Variants in MTHFD1L observed in about 807,000 individuals in gnomAD.
The protein encoded by MTHFD1L is monofunctional C1-tetrahydrofolate synthase, mitochondrial.
MTHFD1L carries 81 observed loss-of-function variants against 119.5 expected under a neutral mutation model. The ratio of observed to expected loss-of-function variants is 0.68; its 90% CI spans 0.57 to 0.82. MTHFD1L has a LOEUF of 0.82. Among genes scored for constraint, MTHFD1L ranks in the 40% least tolerant of loss-of-function variants. The pLI is 0.00. For synonymous variants in MTHFD1L, 430 were observed against 475.2 expected (o/e 0.90, Z 1.24); for missense variants, 1,125 against 1,253.4 (o/e 0.90, Z 1.55).
At chr6:150,901,879 T>C (rs1460722542) in intron 7 of MTHFD1L, among the ~76,000 whole-genome samples, 1 of 152,236 alleles carries the variant, frequency 6.6e-6, no homozygotes, top group African/African-American at 2.4e-5. Context: ...CTTGGTTTTC[T>C]GAACTGTGTT....
intron 17 of MTHFD1L, among the ~76,000 whole-genome samples, chr6:150,956,757 A>G (rs998426881): frequency 6.6e-6 from 1 of 152,054 alleles, no homozygotes; most frequent in African/African-American, 2.4e-5. Context: ...TTAAGTTTTT[A>G]TTAGTGAAAA....
At chr6:151,040,089 G>A (rs1786858679) in intron 26 of MTHFD1L, among the ~76,000 whole-genome samples, 1 of 152,186 alleles carries the variant, frequency 6.6e-6, no homozygotes, top group African/African-American at 2.4e-5. Flanking sequence ...ATCAGGGGAG[G>A]TGAGGGGTGA....
intron 20 of MTHFD1L, among the ~76,000 whole-genome samples, chr6:150,986,287 G>T (rs1017785629): frequency 6.6e-6 from 1 of 152,104 alleles, no homozygotes; most frequent in African/African-American, 2.4e-5. Flanking sequence ...TTAAGTCAGG[G>T]TATCATCTAA....
chr6:151,041,888 G>C (rs1232311374), intron 26 of MTHFD1L: 2 of 496,972 alleles, frequency 4.0e-6, no homozygotes, highest in Non-Finnish European at 8.1e-6. Flanking sequence ...CCCATGGTGA[G>C]ATGCTGGAGC....
chr6:150,925,185 A>T (rs1789726094), intron 10 of MTHFD1L, among the ~76,000 whole-genome samples: 1 of 152,188 alleles, frequency 6.6e-6, no homozygotes, highest in Non-Finnish European at 1.5e-5. Flanking sequence ...CACAACAAAA[A>T]TAAGTGTTCT....
chr6:151,059,743 C>T (rs1790409303), intron 26 of MTHFD1L, among the ~76,000 whole-genome samples: 1 of 152,218 alleles, frequency 6.6e-6, no homozygotes, highest in Admixed American at 6.5e-5. Context: ...TTCCTACCCA[C>T]AGTCTGGAGG....
chr6:150,893,310 C>T (rs201495820), intron 7 of MTHFD1L, among the ~76,000 whole-genome samples: 4 of 152,238 alleles, frequency 2.6e-5, no homozygotes, highest in East Asian at 3.9e-4. Flanking sequence ...AGTGATCCAC[C>T]CACATGGCCC....
At chr6:151,070,727 T>C (rs1390556291) in intron 26 of MTHFD1L, among the ~76,000 whole-genome samples, 1 of 152,190 alleles carries the variant, frequency 6.6e-6, no homozygotes, top group Non-Finnish European at 1.5e-5. Flanking sequence ...GCTGGCCAGA[T>C]TTGCTGTGTG....
chr6:150,865,736 G>GCCGCCC lies in MTHFD1L; in HGVS notation c.-82_-81insCCCGCC. 1 of 1,131,942 alleles carries GCCGCCC rather than the reference G, an allele frequency of 8.8e-7. No individual in the cohort carries two copies. The highest frequency in any genetic ancestry group is 2.4e-5 in the South Asian group (1 of 42,072). 70.1% of individuals were successfully genotyped at this position (1,131,942 alleles called of 1,614,324 possible). Reference sequence around the variant, plus strand: ...CCAGGTCCTTCCCGCCGCCGCCGCCGCCGCCGCCGCCTGCTCCCCTGGCAC... The same window carrying GCCGCCC: ...CCAGGTCCTTCCCGCCGCCGCCGCCGCCGCCCCCGCCGCCGCCTGCTCCCCTGGCAC... On this transcript the variant is annotated 5_prime_UTR_variant, in exon 1 of 28. Coordinates refer to ENST00000367321, the MANE Select transcript of MTHFD1L (RefSeq NM_015440.5).
At chr6:150,965,091 A>G (rs1583839082) in intron 19 of MTHFD1L, 54 bp downstream of exon 19, 6 of 1,500,170 alleles carry the variant, frequency 4.0e-6, no homozygotes, top group South Asian at 3.4e-5. Context: ...TTGCCACACA[A>G]TGTGAACATT....
At chr6:151,052,797 C>G (rs1789266299) in intron 26 of MTHFD1L, among the ~76,000 whole-genome samples, 1 of 152,194 alleles carries the variant, frequency 6.6e-6, no homozygotes, top group Non-Finnish European at 1.5e-5. Flanking sequence ...CTCTTTAATG[C>G]AGAAAAGCAA....
intron 16 of MTHFD1L, among the ~76,000 whole-genome samples, chr6:150,950,491 T>C (rs1794689074): frequency 1.3e-5 from 2 of 152,232 alleles, no homozygotes; most frequent in Admixed American, 1.3e-4. Flanking sequence ...GTTTATGGGC[T>C]GCACAACTTT....
chr6:150,969,558 G>A (rs1207009844), intron 19 of MTHFD1L, among the ~76,000 whole-genome samples: 1 of 151,308 alleles, frequency 6.6e-6, no homozygotes, highest in Non-Finnish European at 1.5e-5. Context: ...TACAGGACTG[G>A]GCTTGCTAGG....
At chr6:151,026,326 G>A (rs1784597829) in intron 24 of MTHFD1L, among the ~76,000 whole-genome samples, 1 of 152,166 alleles carries the variant, frequency 6.6e-6, no homozygotes, top group African/African-American at 2.4e-5. Context: ...GAGAGACTGT[G>A]CCACCAATAT....
rs545209454 is a variant in MTHFD1L, at chr6:150,926,022, T to C, written c.1083-100T>C. On this transcript the variant is annotated intron_variant, in intron 10 of 27. Coordinates refer to ENST00000367321, the MANE Select transcript of MTHFD1L (RefSeq NM_015440.5). The surrounding 1 kb of genome is among the most constrained non-coding windows in gnomAD (Gnocchi z 4.3). ...GAGAAAGGACCCCAAAGTAATTGCA[T>C]TGATTTCATCGTTGGCGTGATGTGT... The C allele has an allele frequency of 1.3e-5, 13 of 1,016,906 alleles. No individual in the cohort carries two copies. In the East Asian group the frequency reaches 1.5e-4, roughly 12 times the overall value. 63.0% of individuals were successfully genotyped at this position (1,016,906 alleles called of 1,614,324 possible).
At chr6:150,949,173 G>A in intron 16 of MTHFD1L, 40 bp downstream of exon 16, 10 of 1,544,776 alleles carry the variant, frequency 6.5e-6, no homozygotes, top group Non-Finnish European at 8.9e-6. Flanking sequence ...ATGGCCAGGT[G>A]GGGAGGCGTG....
chr6:150,897,800 C>G (rs1367181907), intron 7 of MTHFD1L, among the ~76,000 whole-genome samples: 2 of 152,140 alleles, frequency 1.3e-5, no homozygotes, highest in African/African-American at 4.8e-5. Context: ...CTTTTCCACC[C>G]CCTCTCCAAT....
intron 26 of MTHFD1L, chr6:151,041,636 A>G (rs1787121889): frequency 5.6e-6 from 2 of 360,048 alleles, no homozygotes; most frequent in Non-Finnish European, 1.1e-5. Context: ...ACGCAGGGCC[A>G]TCAGCCCCAC....
At chr6:150,891,193 C>A (rs995208641) in intron 7 of MTHFD1L, among the ~76,000 whole-genome samples, 1 of 152,026 alleles carries the variant, frequency 6.6e-6, no homozygotes. Context: ...ACCATGTTGG[C>A]CAGGCTGGTC....
Sources: allele counts gnomAD v4.1 joint callset (sites outside exome capture counted in the v4.1 genomes callset), GRCh38; gene constraint gnomAD v4.1.1; non-coding constraint Gnocchi (gnomAD v3.1); transcripts MANE v1.5; gene names NCBI Gene and HGNC (gene_info 2026-07-23, HGNC 2026-07-21).